The following CNNM2 variants were observed in gnomAD, a reference collection of about 807,000 sequenced individuals.
CNNM2 encodes the protein metal transporter CNNM2.
CNNM2 carries 12 observed loss-of-function variants against 66.9 expected under a neutral mutation model. That is an observed-to-expected ratio of 0.18 (90% CI 0.11 to 0.29). CNNM2 has a LOEUF of 0.29. CNNM2 is among the 10% of genes least tolerant of loss of function. The pLI is 1.00. For synonymous variants in CNNM2, 557 were observed against 501.8 expected (o/e 1.11, Z -1.47); for missense variants, 705 against 1,167.7 (o/e 0.60, Z 5.77).
chr10:102,926,493 A>G (rs984314332), intron 1 of CNNM2, among the ~76,000 whole-genome samples: 1 of 152,152 alleles, frequency 6.6e-6, no homozygotes, highest in African/African-American at 2.4e-5. Context: ...AATATCATCA[A>G]CCAAGAAAAC....
chr10:103,032,245 T>C (rs1362961086), intron 1 of CNNM2, among the ~76,000 whole-genome samples: 2 of 150,414 alleles, frequency 1.3e-5, no homozygotes, highest in African/African-American at 2.4e-5. Flanking sequence ...AGGTCAGGAG[T>C]TCAAGACCAG....
chr10:102,990,795 T>C (rs1426609471), intron 1 of CNNM2, among the ~76,000 whole-genome samples: 3 of 152,174 alleles, frequency 2.0e-5, no homozygotes, highest in African/African-American at 4.8e-5. Context: ...TATCTGTCCG[T>C]TCCTTAATGT....
chr10:103,070,204 C>T (rs1282484498), intron 5 of CNNM2, among the ~76,000 whole-genome samples: 1 of 152,184 alleles, frequency 6.6e-6, no homozygotes, highest in East Asian at 1.9e-4. Context: ...CTGTTGTAAA[C>T]TTGAAGGTGA....
In CNNM2 at chr10:103,054,829, G is replaced by T. The variant is rs545101435; in HGVS notation, c.1903+363G>T. 6.6e-6 allele frequency among the ~76,000 whole-genome samples: 1 copy of T among 152,242 alleles called. No homozygotes were observed. The highest frequency in any genetic ancestry group is 1.9e-4 in the East Asian group (1 of 5,176). ...AGCCAGCTGGCGGAGCAGGCTGATG[G>T]TGCCAGCCTGGCACCAGCTTGTTTG... On this transcript the variant is annotated intron_variant, in intron 3 of 7. Coordinates refer to ENST00000369878, the MANE Select transcript of CNNM2 (RefSeq NM_017649.5). The surrounding 1 kb of genome is among the most constrained non-coding windows in gnomAD (Gnocchi z 5.2).
chr10:102,974,958 A>G (rs2063602957), intron 1 of CNNM2, among the ~76,000 whole-genome samples: 1 of 152,214 alleles, frequency 6.6e-6, no homozygotes, highest in African/African-American at 2.4e-5. Context: ...TGCTTTGGAG[A>G]CATGAGAACT....
intron 1 of CNNM2, among the ~76,000 whole-genome samples, chr10:103,019,113 G>T (rs1389016992): frequency 6.6e-6 from 1 of 151,644 alleles, no homozygotes; most frequent in African/African-American, 2.4e-5. Flanking sequence ...ACTAAAAATA[G>T]AAAAACTTAT....
intron 4 of CNNM2, chr10:103,068,365 T>G (rs1183663657): frequency 2.7e-6 from 1 of 376,504 alleles, no homozygotes; most frequent in Non-Finnish European, 4.9e-6. Context: ...AAAACTGTAT[T>G]TTAAGTTTTT....
intron 5 of CNNM2, among the ~76,000 whole-genome samples, chr10:103,071,312 A>G (rs950296186): frequency 2.0e-5 from 3 of 152,170 alleles, no homozygotes; most frequent in African/African-American, 7.2e-5. Flanking sequence ...TAACAATTCA[A>G]AGCTTCAGGT....
At chr10:103,000,271 AAATAAATAAAT>A (rs2064093762) in intron 1 of CNNM2, among the ~76,000 whole-genome samples, 1 of 150,810 alleles carries the variant, frequency 6.6e-6, no homozygotes. Flanking sequence ...ATAAATAAAT[AAATAAATAAAT>A]AAAATGGAAT....
chr10:102,954,149 A>G (rs999270675), intron 1 of CNNM2, among the ~76,000 whole-genome samples: 1 of 140,414 alleles, frequency 7.1e-6, no homozygotes, highest in African/African-American at 2.7e-5. Flanking sequence ...TTTTTGAGAC[A>G]GGGTTTCCCT....
intron 1 of CNNM2, among the ~76,000 whole-genome samples, chr10:103,002,542 T>C: frequency 6.7e-6 from 1 of 148,620 alleles, no homozygotes; most frequent in Non-Finnish European, 1.5e-5. Context: ...TGCAATGGCG[T>C]GATCTTGGCC....
At chr10:102,973,015 G>A (rs1246529950) in intron 1 of CNNM2, among the ~76,000 whole-genome samples, 1 of 152,146 alleles carries the variant, frequency 6.6e-6, no homozygotes, top group Admixed American at 6.5e-5. Context: ...TGGGATGACA[G>A]CATGACATAG....
chr10:102,930,888 G>A (rs190663112), intron 1 of CNNM2, among the ~76,000 whole-genome samples: 3 of 152,002 alleles, frequency 2.0e-5, no homozygotes, highest in East Asian at 1.9e-4. Context: ...TCCTTTTTAC[G>A]GCCAAATATT....
chr10:102,967,888 A>G (rs1297732090), intron 1 of CNNM2, among the ~76,000 whole-genome samples: 1 of 152,182 alleles, frequency 6.6e-6, no homozygotes, highest in African/African-American at 2.4e-5. Flanking sequence ...AGTGCCTGTA[A>G]TCCCAGCTAC....
At chr10:102,949,763 T>A (rs1440035030) in intron 1 of CNNM2, among the ~76,000 whole-genome samples, 1 of 151,906 alleles carries the variant, frequency 6.6e-6, no homozygotes, top group Admixed American at 6.6e-5. Flanking sequence ...GTACTCCAGC[T>A]TGGGCAACAA....
At chr10:103,069,209 G>A (rs187152130) in intron 5 of CNNM2, among the ~76,000 whole-genome samples, 2 of 152,272 alleles carry the variant, frequency 1.3e-5, no homozygotes, top group Non-Finnish European at 2.9e-5. Flanking sequence ...AGCAGTGCAC[G>A]TGTCCTTTCA....
At chr10:102,921,074 G>A in intron 1 of CNNM2, 1 of 975,342 alleles carries the variant, frequency 1.0e-6, no homozygotes, top group Non-Finnish European at 1.2e-6. Context: ...TGCTTATACA[G>A]TACATCATTT....
At chr10:103,076,532 C>G (rs1261965190) in intron 7 of CNNM2, among the ~76,000 whole-genome samples, 3 of 152,168 alleles carry the variant, frequency 2.0e-5, no homozygotes, top group Admixed American at 2.0e-4. Context: ...GCCAGAGATC[C>G]TGGAAAAAAG....
rs1426395031 is a variant in CNNM2, at chr10:102,919,280, G to A, written c.800G>A (p.Cys267Tyr). 6.2e-7 allele frequency: 1 copy of A among 1,613,884 alleles called. No individual in the cohort carries two copies. The highest frequency in any genetic ancestry group is 8.5e-7 in the Non-Finnish European group (1 of 1,180,042). ...LQVIFISLLL[C>Y]LSGMFSGLNL... is the part of the protein sequence containing the mutation. ...GTGATCTTCATTTCGCTGCTGCTGT[G>A]CCTGTCGGGCATGTTCAGCGGCCTC... The change falls in exon 1 of 8, where the codon TGC becomes TAC. Residue 267 changes from cysteine (C) to tyrosine (Y), a missense_variant. Physicochemically the swap from Cys to Tyr is radical, Grantham distance 194. Around this residue, in one of 9 missense-constraint regions of CNNM2, gnomAD observed 49 missense variants for 183.7 expected, o/e 0.27. Transcript: ENST00000369878.
Sources: allele counts gnomAD v4.1 joint callset (sites outside exome capture counted in the v4.1 genomes callset), GRCh38; gene constraint gnomAD v4.1.1; regional missense constraint gnomAD v4.1.1; non-coding constraint Gnocchi (gnomAD v3.1); transcripts MANE v1.5; gene names NCBI Gene and HGNC (gene_info 2026-07-23, HGNC 2026-07-21).